Variants in SLC38A10 observed in about 807,000 individuals in gnomAD.
The protein encoded by SLC38A10 is solute carrier family 38 member 10.
A neutral mutation model predicts 81.0 loss-of-function variants in SLC38A10; 53 were observed. The observed-to-expected ratio is 0.65, with a 90% CI of 0.53 to 0.82. The LOEUF is 0.82. Among genes scored for constraint, SLC38A10 ranks in the 40% least tolerant of loss-of-function variants. SLC38A10 has a pLI of 0.00. For missense variants in SLC38A10, 1,471 were observed against 1,545.0 expected, an observed-to-expected ratio of 0.95 and a Z score of 0.80; for synonymous variants, 665 against 655.3, an observed-to-expected ratio of 1.01 and a Z score of -0.23.
rs1018887878 is a variant in SLC38A10, at chr17:81,251,622, C to T, written c.1946-10G>A. 2.2e-5 allele frequency: 33 copies of T among 1,473,602 alleles called. No homozygotes were observed. Among genetic ancestry groups the T allele is most frequent in the Non-Finnish European group, 2.9e-5 (32 of 1,120,358 alleles). The allele number at this position is 1,473,602 out of a possible 1,614,324, so 91.3% of individuals were successfully genotyped here. A position where few individuals can be genotyped will look rare whatever the true frequency, so the allele number is the denominator to read the frequency against. ...AGGGGAGGCTTCCCACCTGCACACA[C>T]GGTGAAGACTCAGAAGGTTTTGCAG... On this transcript the variant is annotated splice_polypyrimidine_tract_variant and intron_variant, in intron 13 of 15. Transcript: ENST00000374759.
At position 81,245,753 on chromosome 17, in the gene SLC38A10, C is replaced by A; in HGVS notation, c.3163G>T (p.Asp1055Tyr). The A allele has an allele frequency of 6.3e-7, 1 of 1,595,564 alleles. No homozygotes were observed. The highest frequency in any genetic ancestry group is 8.6e-7 in the Non-Finnish European group (1 of 1,166,994). Residue 1055 changes from aspartate to tyrosine, a missense_variant, in exon 16 of 16, where the codon GAC (aspartate) becomes TAC (tyrosine). This residue lies in a region of SLC38A10 where 751 missense variants were observed against 717.4 expected (regional missense o/e 1.05). Transcript: ENST00000374759. ...AGSDLRRRRR[D>Y]LGPHAEGQLA... is the part of the protein sequence containing the mutation. Reference sequence around the variant, plus strand: ...TGACCCTCTGCATGAGGGCCAAGGTCCCGCCGTCGCCTCCGGAGGTCGGAG... The same window carrying A: ...TGACCCTCTGCATGAGGGCCAAGGTACCGCCGTCGCCTCCGGAGGTCGGAG...
intron 10 of SLC38A10, among the ~76,000 whole-genome samples, chr17:81,269,658 A>G (rs921269166): frequency 3.3e-5 from 5 of 152,052 alleles, no homozygotes; most frequent in African/African-American, 9.7e-5. Context: ...TCTGCTCTGG[A>G]TGGTGGTTCC....
At chr17:81,249,702 T>G (rs1007231958) in intron 14 of SLC38A10, among the ~76,000 whole-genome samples, 2 of 151,514 alleles carry the variant, frequency 1.3e-5, no homozygotes, top group African/African-American at 2.4e-5. Flanking sequence ...GCCACCCACC[T>G]GTTGAGACCC....
intron 2 of SLC38A10, 48 bp from the exon 3 acceptor site, chr17:81,284,943 C>T (rs572257113): frequency 3.3e-6 from 5 of 1,510,700 alleles, no homozygotes; most frequent in South Asian, 2.5e-5. Flanking sequence ...GTGAGAAGCT[C>T]GTCCAGAACA....
intron 10 of SLC38A10, among the ~76,000 whole-genome samples, chr17:81,268,328 GAAA>G (rs1555628577): frequency 6.9e-6 from 1 of 144,042 alleles, no homozygotes; most frequent in Non-Finnish European, 1.5e-5. Context: ...AGGCACACTA[GAAA>G]ACAAGACCCC....
rs369523431 is a variant in SLC38A10, at chr17:81,282,337, G to C, written c.358-5C>G. 14 of 1,605,726 alleles carry C rather than the reference G, an allele frequency of 8.7e-6. No homozygotes were observed. Among genetic ancestry groups the C allele is most frequent in the Middle Eastern group, 3.3e-4 (2 of 6,050 alleles). ...CATGCGGAAGGTGCCGCCCACCTGC[G>C]GGGAGCCGGCAGGGGGTCTTGGCCA... On this transcript the variant is annotated splice_polypyrimidine_tract_variant and splice_region_variant and intron_variant, in intron 4 of 15. Coordinates refer to ENST00000374759, the MANE Select transcript of SLC38A10 (RefSeq NM_001037984.3).
chr17:81,280,554 G>A (rs2063201273), intron 6 of SLC38A10, 55 bp downstream of exon 6: 2 of 1,599,768 alleles, frequency 1.3e-6, no homozygotes, highest in East Asian at 4.5e-5. Flanking sequence ...CCGTCTCCCA[G>A]CAGCTCGCCC....
At chr17:81,268,746 A>G (rs530328990) in intron 10 of SLC38A10, among the ~76,000 whole-genome samples, 1 of 151,960 alleles carries the variant, frequency 6.6e-6, no homozygotes, top group Admixed American at 6.6e-5. Flanking sequence ...AAACAGAAAA[A>G]GGACATATGA....
intron 10 of SLC38A10, among the ~76,000 whole-genome samples, chr17:81,266,659 C>T (rs868818368): frequency 1.8e-4 from 27 of 151,660 alleles, no homozygotes; most frequent in African/African-American, 5.6e-4. Flanking sequence ...GAAAATCCAG[C>T]GGGAAAAGAG....
rs2063292260 is a variant in SLC38A10 at position 81,289,359 on chromosome 17, C to A, written c.217+332G>T. On this transcript the variant is annotated intron_variant, in intron 2 of 15. Coordinates refer to ENST00000374759, the MANE Select transcript of SLC38A10 (RefSeq NM_001037984.3). The surrounding 1 kb of genome is among the most constrained non-coding windows in gnomAD (Gnocchi z 5.9). ...GCCCGGCAGGTTTTTTTTTTAACTG[C>A]ATTTTTTTTTAATTTGATTTTTAAT... Among the ~76,000 whole-genome samples, 1 of 151,112 alleles carries A rather than the reference C, an allele frequency of 6.6e-6. No homozygotes were observed. The highest frequency in any genetic ancestry group is 6.6e-5 in the Admixed American group (1 of 15,160).
At chr17:81,259,140 C>G (rs1045193733) in intron 11 of SLC38A10, among the ~76,000 whole-genome samples, 1 of 152,240 alleles carries the variant, frequency 6.6e-6, no homozygotes, top group African/African-American at 2.4e-5. Flanking sequence ...GGCGTCCCCA[C>G]GCACTCAGCC....
At chr17:81,251,051 A>G in intron 14 of SLC38A10, 1 of 1,441,166 alleles carries the variant, frequency 6.9e-7, no homozygotes, top group Non-Finnish European at 9.1e-7. Context: ...GCCACCCCCA[A>G]ACTGGGTCCC....
chr17:81,271,097 C>T, intron 9 of SLC38A10, 73 bp from the exon 10 acceptor site: 2 of 1,310,672 alleles, frequency 1.5e-6, no homozygotes, highest in African/African-American at 1.5e-5. Flanking sequence ...AGCTTTTGCC[C>T]TGCACACGGG....
chr17:81,271,025 C>T lies in SLC38A10; in HGVS notation c.1025-1G>A. On this transcript the variant is annotated splice_acceptor_variant, in intron 9 of 15. Transcript: ENST00000374759. LOFTEE classifies it high-confidence loss of function. The stretch of plus-strand genomic sequence containing the variant: ...CCTGTGAGGCCCAGGATGGTCTCCA[C>T]TAGGATGGAGAAGTGACAGGAAGGG... The T allele has an allele frequency of 6.2e-7, 1 of 1,609,474 alleles. No individual in the cohort carries two copies. Among genetic ancestry groups the T allele is most frequent in the Non-Finnish European group, 8.5e-7 (1 of 1,177,970 alleles).
chr17:81,260,222 G>C lies in SLC38A10; in HGVS notation c.1288+16C>G, dbSNP rs750708424. The C allele has an allele frequency of 6.3e-7, 1 of 1,591,926 alleles. No individual in the cohort carries two copies. Among genetic ancestry groups the C allele is most frequent in the Non-Finnish European group, 8.5e-7 (1 of 1,170,088 alleles). ...CACTTGCCCTGAGAAGGCTCAGAGA[G>C]CCAGGGTGGGCATACCTGAGAGCCG... is the stretch of plus-strand genomic sequence containing the variant. On this transcript the variant is annotated intron_variant, in intron 11 of 15. Coordinates refer to ENST00000374759, the MANE Select transcript of SLC38A10 (RefSeq NM_001037984.3).
intron 14 of SLC38A10, chr17:81,247,299 G>C: frequency 2.5e-6 from 1 of 404,488 alleles, no homozygotes; most frequent in Non-Finnish European, 4.4e-6. Flanking sequence ...AAGCCCACCC[G>C]GGATGGCCTC....
At position 81,277,350 on chromosome 17, in the gene SLC38A10, G is replaced by A. The variant is rs62072865; in HGVS notation, c.627-217C>T. 0.015 allele frequency among the ~76,000 whole-genome samples: 2,305 copies of A among 152,334 alleles called. 29 individuals are homozygous for A. The highest frequency in any genetic ancestry group is 0.031 in the Middle Eastern group (9 of 294). Reference sequence around the variant, plus strand: ...CCCCACTCAGGACACCCCCCAGAGCGTGCACCATGCGAACATTCCCCAAGG... The same window carrying A: ...CCCCACTCAGGACACCCCCCAGAGCATGCACCATGCGAACATTCCCCAAGG... On this transcript the variant is annotated intron_variant, in intron 6 of 15. Coordinates refer to ENST00000374759, the MANE Select transcript of SLC38A10 (RefSeq NM_001037984.3). This position sits in a 1 kb window ranked among gnomAD's most constrained non-coding sequence, Gnocchi z 4.5.
chr17:81,251,585 T>C lies in SLC38A10; in HGVS notation c.1973A>G (p.Lys658Arg). 6.7e-7 allele frequency: 1 copy of C among 1,493,706 alleles called. No individual in the cohort carries two copies. Among genetic ancestry groups the C allele is most frequent in the Non-Finnish European group, 8.9e-7 (1 of 1,128,518 alleles). 92.5% of individuals were successfully genotyped at this position (1,493,706 alleles called of 1,614,324 possible). The change falls in exon 14 of 16, where the codon AAG (lysine) becomes AGG (arginine). Residue 658 changes from lysine to arginine, a missense_variant. Lys to Arg is a conservative substitution (Grantham distance 26). Around this residue, in one of 2 missense-constraint regions of SLC38A10, gnomAD observed 751 missense variants for 717.4 expected, o/e 1.05. Transcript: ENST00000374759. Reference protein sequence around the residue: ...HGGKPPLPAEKPAPGPGLPPE... With the variant: ...HGGKPPLPAERPAPGPGLPPE... ...CGGCAGCCCAGGCCCTGGAGCCGGC[T>C]TCTCCGCTGGGAGGGGAGGCTTCCC...
rs2062835766 is a variant in SLC38A10 at position 81,245,059 on chromosome 17, A to C, written c.*497T>G. 1 of 158,270 alleles carries C rather than the reference A, an allele frequency of 6.3e-6. No homozygotes were observed. Among genetic ancestry groups the C allele is most frequent in the East Asian group, 1.8e-4 (1 of 5,496 alleles). 9.8% of individuals were successfully genotyped at this position (158,270 alleles called of 1,614,324 possible). The stretch of plus-strand genomic sequence containing the variant: ...TACCACACTGTGGGAAGCATCGATA[A>C]ACAGTCATAATAATTATCATTCTGA... On this transcript the variant is annotated 3_prime_UTR_variant, in exon 16 of 16. Coordinates refer to ENST00000374759, the MANE Select transcript of SLC38A10 (RefSeq NM_001037984.3).
Sources: gnomAD v4.1 joint callset for allele counts (sites outside exome capture counted in the v4.1 genomes callset) on GRCh38, gnomAD v4.1.1 for gene constraint, gnomAD v4.1.1 regional missense constraint, Gnocchi (gnomAD v3.1) non-coding constraint, MANE v1.5 for transcripts, NCBI Gene and HGNC (gene_info 2026-07-23, HGNC 2026-07-21) for gene names.